Variants in RPTOR observed in about 807,000 individuals in gnomAD.
RPTOR encodes regulatory-associated protein of mTOR.
A neutral mutation model predicts 169.9 loss-of-function variants in RPTOR; 21 were observed. The observed-to-expected ratio is 0.12, with a 90% confidence interval of 0.09 to 0.18. The LOEUF (loss-of-function observed/expected upper bound fraction) is 0.18, where lower values mean the gene tolerates loss of function less well. RPTOR is among the 10% of genes least tolerant of loss of function. The pLI, the probability that RPTOR is intolerant of heterozygous loss-of-function variation, is 1.00. For missense variants in RPTOR, 1,133 were observed against 1,855.9 expected, an observed-to-expected ratio of 0.61 and a Z score of 7.16; for synonymous variants, 732 against 753.2, an observed-to-expected ratio of 0.97 and a Z score of 0.46.
At chr17:80,582,197 C>T (rs1288783122) in intron 1 of RPTOR, among the ~76,000 whole-genome samples, 4 of 152,142 alleles carry the variant, frequency 2.6e-5, no homozygotes, top group Non-Finnish European at 1.5e-5. Context: ...GTGGTGGAAG[C>T]GTGGTTACTA....
chr17:80,582,091 A>G (rs2065019716), intron 1 of RPTOR, among the ~76,000 whole-genome samples: 1 of 152,192 alleles, frequency 6.6e-6, no homozygotes, highest in Non-Finnish European at 1.5e-5. Context: ...CTGCCATGGG[A>G]CAAACAGCCT....
At chr17:80,870,555 G>A (rs1415892524) in intron 13 of RPTOR, among the ~76,000 whole-genome samples, 1 of 152,200 alleles carries the variant, frequency 6.6e-6, no homozygotes, top group Admixed American at 6.5e-5. Context: ...AAATGTGCAA[G>A]GTTAGCTTTC....
chr17:80,922,870 G>A (rs371225666), intron 22 of RPTOR, 43 bp downstream of exon 22: 33 of 1,491,824 alleles, frequency 2.2e-5, no homozygotes, highest in African/African-American at 4.2e-5. Context: ...GGTGGTGACC[G>A]GGGCCCCACG....
At chr17:80,629,687 T>C (rs1435236783) in intron 2 of RPTOR, among the ~76,000 whole-genome samples, 1 of 151,768 alleles carries the variant, frequency 6.6e-6, no homozygotes, top group Non-Finnish European at 1.5e-5. Flanking sequence ...CTCTATGTAT[T>C]GTGTTGTTGG....
At chr17:80,598,887 T>TCTATCTAC (rs2065164716) in intron 1 of RPTOR, among the ~76,000 whole-genome samples, 1 of 119,710 alleles carries the variant, frequency 8.4e-6, no homozygotes, top group South Asian at 2.4e-4. Context: ...ATTCTTTCTA[T>TCTATCTAC]CTATCTATCT....
chr17:80,813,358 G>T (rs913189420), intron 7 of RPTOR, among the ~76,000 whole-genome samples: 1 of 152,202 alleles, frequency 6.6e-6, no homozygotes, highest in African/African-American at 2.4e-5. Context: ...TTATCACCTG[G>T]TGCATTATTT....
At chr17:80,720,912 G>A (rs1338831148) in intron 4 of RPTOR, among the ~76,000 whole-genome samples, 1 of 151,190 alleles carries the variant, frequency 6.6e-6, no homozygotes, top group African/African-American at 2.5e-5. Flanking sequence ...AGTGTGGTGT[G>A]AGAGGCAAGC....
At chr17:80,634,622 GTGTGCGTACTGTGTGTGTGCATACTGTA>G (rs2065484185) in intron 2 of RPTOR, among the ~76,000 whole-genome samples, 1 of 67,556 alleles carries the variant, frequency 1.5e-5, no homozygotes, top group Non-Finnish European at 3.4e-5. Context: ...TACTGTGTGC[GTGTGCGTACTGTGTGTGTGCATACTGTA>G]TGTGCGTACT....
rs2068341763 is a variant in RPTOR, at chr17:80,892,736, G to A, written c.2109G>A (p.Gly703=). 2 of 1,613,780 alleles carry A rather than the reference G, an allele frequency of 1.2e-6. No homozygotes were observed. Among genetic ancestry groups the A allele is most frequent in the Non-Finnish European group, 1.7e-6 (2 of 1,179,786 alleles). The part of the protein sequence containing the change: ...ALPSPATTEG[G]SLTPVRDSPC... ...TTTCTCCTTCTTTCCCAGAGGGAGG[G>A]AGTTTGACCCCAGTGCGAGACAGCC... The change falls in exon 19 of 34, where the codon GGG becomes GGA. Residue 703 remains glycine, a synonymous_variant. Coordinates refer to ENST00000306801, the MANE Select transcript of RPTOR (RefSeq NM_020761.3).
rs561508828 is a variant in RPTOR at position 80,562,163 on chromosome 17, G to A, written c.162+16372G>A. On this transcript the variant is annotated intron_variant, in intron 1 of 33. Transcript: ENST00000306801. The surrounding 1 kb of genome is among the most constrained non-coding windows in gnomAD (Gnocchi z 4.4). ...TGGAAGCAGAATTGCGACCCTTGGT[G>A]ACTGCTTGGGTGCAGGAGGATGCAG... Among the ~76,000 whole-genome samples, 1 of 152,264 alleles carries A rather than the reference G, an allele frequency of 6.6e-6. No individual in the cohort carries two copies. Among genetic ancestry groups the A allele is most frequent in the African/African-American group, 2.4e-5 (1 of 41,552 alleles).
At chr17:80,850,528 A>G (rs541689962) in intron 11 of RPTOR, among the ~76,000 whole-genome samples, 12 of 152,144 alleles carry the variant, frequency 7.9e-5, no homozygotes, top group Middle Eastern at 3.4e-3. Flanking sequence ...TTGTGCCTCA[A>G]CCTCCAGAGT....
intron 3 of RPTOR, among the ~76,000 whole-genome samples, chr17:80,697,987 G>A (rs532308866): frequency 6.6e-5 from 10 of 152,302 alleles, no homozygotes; most frequent in Admixed American, 5.9e-4. Context: ...GGGTAGTGGT[G>A]AGGTTTCTGC....
At position 80,611,147 on chromosome 17, in the gene RPTOR, C is replaced by A. The variant is rs542171944; in HGVS notation, c.163-14544C>A. ...AGACCTGAAAGAATGGTACCATGAACACCTCACACTCACCACTTTGACACA... is the reference window on the plus strand; with the variant it reads ...AGACCTGAAAGAATGGTACCATGAAAACCTCACACTCACCACTTTGACACA... On this transcript the variant is annotated intron_variant, in intron 1 of 33. Coordinates refer to ENST00000306801, the MANE Select transcript of RPTOR (RefSeq NM_020761.3). Among the ~76,000 whole-genome samples the A allele has an allele frequency of 4.3e-4, 65 of 152,268 alleles. 1 individual carries two copies. The highest frequency in any genetic ancestry group is 1.5e-3 in the African/African-American group (64 of 41,546).
Position 80,947,160 on chromosome 17 carries a change from G to T in RPTOR, c.3141-67G>T, listed in dbSNP as rs2069114046. ...ATAGCAGCCCGGTGGGTTTCAGGAG[G>T]TATCTCACTGTCATTTGGGTTTGCA... On this transcript the variant is annotated intron_variant, in intron 26 of 33. Coordinates refer to ENST00000306801, the MANE Select transcript of RPTOR (RefSeq NM_020761.3). The surrounding 1 kb of genome is among the most constrained non-coding windows in gnomAD (Gnocchi z 4.4). 1 of 1,448,024 alleles carries T rather than the reference G, an allele frequency of 6.9e-7. No homozygotes were observed. Among genetic ancestry groups the T allele is most frequent in the Admixed American group, 2.7e-5 (1 of 37,658 alleles). 89.7% of individuals were successfully genotyped at this position (1,448,024 alleles called of 1,614,324 possible).
At chr17:80,939,831 C>T (rs1041551291) in intron 24 of RPTOR, among the ~76,000 whole-genome samples, 2 of 152,242 alleles carry the variant, frequency 1.3e-5, no homozygotes, top group Admixed American at 6.5e-5. Context: ...CCCTGCCCTG[C>T]TGCTCAGTGC....
intron 1 of RPTOR, among the ~76,000 whole-genome samples, chr17:80,586,597 C>G (rs910837732): frequency 5.3e-5 from 8 of 152,222 alleles, no homozygotes; most frequent in Admixed American, 2.0e-4. Context: ...CCGGGCATGG[C>G]AGCCCTCCCC....
At chr17:80,944,624 CT>C (rs1382976543) in intron 25 of RPTOR, among the ~76,000 whole-genome samples, 5 of 152,208 alleles carry the variant, frequency 3.3e-5, no homozygotes, top group African/African-American at 1.2e-4. Flanking sequence ...CTTCTGCTTC[CT>C]TTGTGCCTCT....
At chr17:80,885,228 T>C (rs1356095779) in intron 17 of RPTOR, 80 bp downstream of exon 17, 14 of 1,469,276 alleles carry the variant, frequency 9.5e-6, no homozygotes, top group Non-Finnish European at 1.3e-5. Flanking sequence ...CGCATGGCCC[T>C]GACCACAGCA....
At position 80,803,891 on chromosome 17, in the gene RPTOR, C is replaced by T. The variant is rs1043695653; in HGVS notation, c.890+12382C>T. ...CTGGAACTGAGACCACCTGGCCAGA[C>T]GGGAGCAGCCATGCCGGGACCAGGG... On this transcript the variant is annotated intron_variant, in intron 7 of 33. Transcript: ENST00000306801. The surrounding 1 kb of genome is among the most constrained non-coding windows in gnomAD (Gnocchi z 6.2). Among the ~76,000 whole-genome samples the T allele has an allele frequency of 1.3e-5, 2 of 152,188 alleles. No individual in the cohort carries two copies. The highest frequency in any genetic ancestry group is 1.3e-4 in the Admixed American group (2 of 15,280).
Sources: allele counts gnomAD v4.1 joint callset (sites outside exome capture counted in the v4.1 genomes callset), GRCh38; gene constraint gnomAD v4.1.1; non-coding constraint Gnocchi (gnomAD v3.1); transcripts MANE v1.5; gene names NCBI Gene and HGNC (gene_info 2026-07-23, HGNC 2026-07-21).